Variants in NEMP2 observed in about 807,000 individuals in gnomAD.
NEMP2 encodes UPF0571 transmembrane protein.
Under a neutral mutation model 54.2 loss-of-function variants are expected in NEMP2, and 53 were observed. That is an observed-to-expected ratio of 0.98 (90% CI 0.78 to 1.23). The LOEUF (loss-of-function observed/expected upper bound fraction) is 1.23. Among genes scored for constraint, NEMP2 ranks in the 50% most tolerant of loss-of-function variants. The pLI is 0.00. For synonymous variants in NEMP2, 197 were observed against 190.3 expected, an observed-to-expected ratio of 1.04 and a Z score of -0.29; for missense variants, 455 against 511.3, an observed-to-expected ratio of 0.89 and a Z score of 1.06.
At chr2:190,477,284 G>T in the NEMP2 span, 1 of 984,724 alleles carries the variant, frequency 1.0e-6, no homozygotes, top group East Asian at 1.1e-4. Flanking sequence ...ACAGTTCTTA[G>T]GATTTCCCAC....
At chr2:190,493,961 A>G in the NEMP2 span, among the ~76,000 whole-genome samples, 16 of 152,172 alleles carry the variant, frequency 1.1e-4, 1 homozygote, top group East Asian at 7.7e-4. Context: ...GGAACTAGAG[A>G]AACAAGAACA....
At chr2:190,497,603 C>A in the NEMP2 span, 1 of 1,614,174 alleles carries the variant, frequency 6.2e-7, no homozygotes, top group South Asian at 1.1e-5. The surrounding 1 kb of genome is among the most constrained non-coding windows in gnomAD (Gnocchi z 5.2). Flanking sequence ...TGTGAACAAA[C>A]CAGCCTGGGG....
chr2:190,549,980 T>G, the NEMP2 span, among the ~76,000 whole-genome samples: 4 of 152,212 alleles, frequency 2.6e-5, no homozygotes, highest in African/African-American at 9.7e-5. Context: ...TACATATTGA[T>G]ATAACTCTAC....
the NEMP2 span, among the ~76,000 whole-genome samples, chr2:190,575,675 C>T: frequency 1.3e-5 from 2 of 152,044 alleles, no homozygotes; most frequent in African/African-American, 2.4e-5. Context: ...GCCAACATGG[C>T]GAAGCCTCGT....
At position 190,509,530 on chromosome 2, in the gene NEMP2, A is replaced by C. The variant is rs1217064233; in HGVS notation, c.1131-218T>G. ...GGGCAGAGAATTAGGGCAGATATAT[A>C]AGCACTAAGTAAGCCAAATGTACTC... On this transcript the variant is annotated intron_variant, in intron 8 of 8. Coordinates refer to ENST00000409150, the MANE Select transcript of NEMP2 (RefSeq NM_001142645.2). The surrounding 1 kb of genome is among the most constrained non-coding windows in gnomAD (Gnocchi z 6.1). 6.6e-6 allele frequency among the ~76,000 whole-genome samples: 1 copy of C among 152,198 alleles called. No homozygotes were observed. Among genetic ancestry groups the C allele is most frequent in the African/African-American group, 2.4e-5 (1 of 41,436 alleles).
chr2:190,477,377 T>C, the NEMP2 span: 1 of 978,952 alleles, frequency 1.0e-6, no homozygotes, highest in Non-Finnish European at 1.2e-6. Context: ...TAAATAAAGA[T>C]TTGTATACCT....
the NEMP2 span, among the ~76,000 whole-genome samples, chr2:190,550,542 C>T: frequency 4.9e-3 from 752 of 152,290 alleles, 9 homozygotes; most frequent in African/African-American, 0.017. This position sits in a 1 kb window ranked among gnomAD's most constrained non-coding sequence, Gnocchi z 4.7. Flanking sequence ...CTTTATTCCA[C>T]GTTACACACA....
At chr2:190,476,193 A>G in the NEMP2 span, among the ~76,000 whole-genome samples, 12 of 152,202 alleles carry the variant, frequency 7.9e-5, no homozygotes, top group South Asian at 4.1e-4. Context: ...AATGGCAACA[A>G]AAGCCAAAAT....
chr2:190,622,843 C>A, the NEMP2 span, among the ~76,000 whole-genome samples: 1 of 151,302 alleles, frequency 6.6e-6, no homozygotes, highest in Non-Finnish European at 1.5e-5. Flanking sequence ...CTAAGCAGAG[C>A]AATTAAGCTA....
At chr2:190,534,142 T>C (rs1261830876) in intron 1 of NEMP2, 3 of 995,998 alleles carry the variant, frequency 3.0e-6, no homozygotes, top group Non-Finnish European at 1.2e-6. Flanking sequence ...GAATGCGAGA[T>C]AGTGAAATAA....
At chr2:190,646,510 A>G in the NEMP2 span, among the ~76,000 whole-genome samples, 1 of 152,266 alleles carries the variant, frequency 6.6e-6, no homozygotes, top group African/African-American at 2.4e-5. Flanking sequence ...TCATACAGAC[A>G]TACAGAATTG....
the NEMP2 span, among the ~76,000 whole-genome samples, chr2:190,449,119 C>T: frequency 2.6e-5 from 4 of 152,172 alleles, no homozygotes. Context: ...GTATAACAAC[C>T]ATGGCTTCAG....
Position 190,510,338 on chromosome 2 carries a change from C to T in NEMP2, c.1130+23G>A. The T allele has an allele frequency of 6.4e-7, 1 of 1,550,924 alleles. No homozygotes were observed. Among genetic ancestry groups the T allele is most frequent in the Non-Finnish European group, 8.7e-7 (1 of 1,146,496 alleles). ...AAATCATTCTGAACTAAACTATGGT[C>T]CGAGCAGCAGAGCGGGACTTACTTG... is the stretch of plus-strand genomic sequence containing the variant. On this transcript the variant is annotated intron_variant, in intron 8 of 8. Coordinates refer to ENST00000409150, the MANE Select transcript of NEMP2 (RefSeq NM_001142645.2). This position sits in a 1 kb window ranked among gnomAD's most constrained non-coding sequence, Gnocchi z 5.7.
chr2:190,597,105 A>T, the NEMP2 span, among the ~76,000 whole-genome samples: 6 of 151,844 alleles, frequency 4.0e-5, no homozygotes, highest in South Asian at 2.1e-4. This position sits in a 1 kb window ranked among gnomAD's most constrained non-coding sequence, Gnocchi z 4.7. Context: ...CTACAAAAAA[A>T]TTTTTCTAAT....
the NEMP2 span, among the ~76,000 whole-genome samples, chr2:190,558,992 T>C: frequency 2.0e-5 from 3 of 152,250 alleles, no homozygotes; most frequent in Non-Finnish European, 4.4e-5. This position sits in a 1 kb window ranked among gnomAD's most constrained non-coding sequence, Gnocchi z 4.4. Flanking sequence ...GAAAAGCTAA[T>C]GTGATTCACT....
the NEMP2 span, chr2:190,488,793 C>G: frequency 6.3e-7 from 1 of 1,591,222 alleles, no homozygotes; most frequent in South Asian, 1.2e-5. This position sits in a 1 kb window ranked among gnomAD's most constrained non-coding sequence, Gnocchi z 6.4. Context: ...GTGCCATGAT[C>G]GGAGGCGTGT....
At position 190,522,706 on chromosome 2, in the gene NEMP2, TA is replaced by T. The variant is rs1309355512; in HGVS notation, c.213+2556del. 1.3e-5 allele frequency among the ~76,000 whole-genome samples: 2 copies of T among 152,228 alleles called. No individual in the cohort carries two copies. Among genetic ancestry groups the T allele is most frequent in the African/African-American group, 4.8e-5 (2 of 41,450 alleles). ...AGAAGCATTTATAATCTATTCTCTC[TA>T]AAGCCTGCTACCTGGAGGCTTCATC... is the stretch of plus-strand genomic sequence containing the variant. On this transcript the variant is annotated intron_variant, in intron 2 of 8. Transcript: ENST00000409150. The surrounding 1 kb of genome is among the most constrained non-coding windows in gnomAD (Gnocchi z 5.0).
At position 190,533,441 on chromosome 2, in the gene NEMP2, A is replaced by G. The variant is rs1691228661; in HGVS notation, c.97+1118T>C. Among the ~76,000 whole-genome samples the G allele has an allele frequency of 1.3e-5, 2 of 152,242 alleles. No individual in the cohort carries two copies. The highest frequency in any genetic ancestry group is 6.5e-5 in the Admixed American group (1 of 15,284). On this transcript the variant is annotated intron_variant, in intron 1 of 8. Transcript: ENST00000409150. This position sits in a 1 kb window ranked among gnomAD's most constrained non-coding sequence, Gnocchi z 4.3. ...TCTATGGGTATTAAATATGATAGATACTGCAGTTAAAGCACTTATAACACT... is the reference window on the plus strand; with the variant it reads ...TCTATGGGTATTAAATATGATAGATGCTGCAGTTAAAGCACTTATAACACT...
the NEMP2 span, among the ~76,000 whole-genome samples, chr2:190,567,428 TCAACA>T: frequency 6.6e-6 from 1 of 151,774 alleles, no homozygotes; most frequent in Admixed American, 6.6e-5. The surrounding 1 kb of genome is among the most constrained non-coding windows in gnomAD (Gnocchi z 4.0). Flanking sequence ...TACCAAGTAC[TCAACA>T]CAACAAATAA....
Sources: allele counts gnomAD v4.1 joint callset (sites outside exome capture counted in the v4.1 genomes callset), GRCh38; gene constraint gnomAD v4.1.1; non-coding constraint Gnocchi (gnomAD v3.1); transcripts MANE v1.5; gene names NCBI Gene and HGNC (gene_info 2026-07-23, HGNC 2026-07-21).